CSMD1: variants seen among roughly 807,000 people sequenced by gnomAD.
The protein encoded by CSMD1 is CUB and sushi domain-containing protein 1.
In CSMD1, 213 loss-of-function variants were observed where a neutral mutation model predicts 417.5. The ratio of observed to expected loss-of-function variants is 0.51; its 90% confidence interval spans 0.46 to 0.57. CSMD1 has a LOEUF of 0.57. Among genes scored for constraint, CSMD1 ranks in the 20% least tolerant of loss-of-function variants. The probability of loss-of-function intolerance (pLI) is 0.00; values close to 1 mark genes in which losing one functional copy is unlikely to be tolerated. For missense variants in CSMD1, 6,923 were observed against 4,529.7 expected (o/e 1.53, Z -15.17); for synonymous variants, 2,862 against 1,736.8 (o/e 1.65, Z -16.11).
intron 1 of CSMD1, among the ~76,000 whole-genome samples, chr8:4,790,026 A>G (rs1301967117): frequency 6.6e-6 from 1 of 152,208 alleles, no homozygotes; most frequent in Non-Finnish European, 1.5e-5. Context: ...ATGAAAAGGA[A>G]TCCAGGATTA....
intron 5 of CSMD1, among the ~76,000 whole-genome samples, chr8:3,859,085 C>T (rs559247459): frequency 2.8e-4 from 42 of 152,282 alleles, no homozygotes; most frequent in Admixed American, 1.6e-3. Context: ...TTCATCTTCT[C>T]ATCCATGCAC....
intron 5 of CSMD1, among the ~76,000 whole-genome samples, chr8:3,871,603 C>G (rs913085871): frequency 6.6e-6 from 1 of 152,056 alleles, no homozygotes; most frequent in Non-Finnish European, 1.5e-5. Context: ...TATTAGTCTT[C>G]AAATTCAGAT....
At chr8:4,549,975 GGT>G (rs1797798541) in intron 2 of CSMD1, among the ~76,000 whole-genome samples, 12 of 149,882 alleles carry the variant, frequency 8.0e-5, no homozygotes, top group Non-Finnish European at 1.3e-4. Flanking sequence ...CTCTTAAAAT[GGT>G]AACTTTTGAG....
At chr8:3,679,049 G>C (rs921000428) in intron 7 of CSMD1, among the ~76,000 whole-genome samples, 1 of 152,156 alleles carries the variant, frequency 6.6e-6, no homozygotes, top group South Asian at 2.1e-4. Context: ...AACATGGAAA[G>C]GAACAACTGG....
intron 2 of CSMD1, among the ~76,000 whole-genome samples, chr8:4,460,616 A>G (rs891059809): frequency 1.3e-5 from 2 of 152,146 alleles, no homozygotes; most frequent in African/African-American, 4.8e-5. Flanking sequence ...TGGGGGAAAA[A>G]AAGGTAGAGA....
At chr8:3,303,198 T>A (rs1481701824) in intron 25 of CSMD1, among the ~76,000 whole-genome samples, 2 of 152,198 alleles carry the variant, frequency 1.3e-5, no homozygotes, top group Non-Finnish European at 2.9e-5. Context: ...TCAGGAAAAT[T>A]CTCCAACCCA....
intron 3 of CSMD1, among the ~76,000 whole-genome samples, chr8:4,394,837 C>G (rs1164174727): frequency 2.0e-5 from 3 of 152,094 alleles, no homozygotes; most frequent in African/African-American, 4.8e-5. Flanking sequence ...TTTCATGGTC[C>G]TTTGTGCTTC....
intron 3 of CSMD1, among the ~76,000 whole-genome samples, chr8:4,180,233 T>A (rs890405381): frequency 5.3e-5 from 8 of 151,888 alleles, no homozygotes; most frequent in Non-Finnish European, 7.4e-5. Flanking sequence ...TACACCATGG[T>A]ATACTATGCA....
intron 1 of CSMD1, among the ~76,000 whole-genome samples, chr8:4,802,137 A>G (rs759010099): frequency 6.6e-6 from 1 of 152,206 alleles, no homozygotes; most frequent in Non-Finnish European, 1.5e-5. Flanking sequence ...AGGGATCTCA[A>G]AATCGAAGAG....
At chr8:4,313,315 T>C (rs983253989) in intron 3 of CSMD1, among the ~76,000 whole-genome samples, 2 of 151,698 alleles carry the variant, frequency 1.3e-5, no homozygotes, top group Non-Finnish European at 2.9e-5. Context: ...GCTAGCTGAG[T>C]CCCTAGAGAG....
intron 1 of CSMD1, among the ~76,000 whole-genome samples, chr8:4,939,214 T>C (rs1268711564): frequency 6.6e-6 from 1 of 152,192 alleles, no homozygotes; most frequent in African/African-American, 2.4e-5. Context: ...GGAATGTAAA[T>C]TAGTAAAGCA....
At chr8:3,834,472 G>T (rs1178130550) in intron 5 of CSMD1, among the ~76,000 whole-genome samples, 1 of 152,202 alleles carries the variant, frequency 6.6e-6, no homozygotes, top group East Asian at 1.9e-4. Flanking sequence ...CTCCATGTGT[G>T]TTGTTCCAGG....
intron 5 of CSMD1, among the ~76,000 whole-genome samples, chr8:3,852,748 T>G (rs1804003756): frequency 6.6e-6 from 1 of 151,980 alleles, no homozygotes; most frequent in Non-Finnish European, 1.5e-5. Context: ...CGTCTGCATC[T>G]CCCGCTGCAC....
chr8:4,457,742 G>C (rs116147658), intron 2 of CSMD1, among the ~76,000 whole-genome samples: 1 of 152,234 alleles, frequency 6.6e-6, no homozygotes, highest in African/African-American at 2.4e-5. Context: ...CTCTGTATGG[G>C]ATCCAGCAGC....
At chr8:4,316,109 T>A (rs1798912263) in intron 3 of CSMD1, among the ~76,000 whole-genome samples, 2 of 152,196 alleles carry the variant, frequency 1.3e-5, no homozygotes, top group Admixed American at 1.3e-4. Flanking sequence ...CACTCATTAT[T>A]GTTAACCCTC....
intron 62 of CSMD1, among the ~76,000 whole-genome samples, chr8:2,958,392 A>C (rs1355870851): frequency 6.6e-6 from 1 of 152,200 alleles, no homozygotes; most frequent in Non-Finnish European, 1.5e-5. Context: ...CTGATCCTCC[A>C]AGAATGAATC....
chr8:3,867,909 C>T (rs1333272311), intron 5 of CSMD1, among the ~76,000 whole-genome samples: 1 of 152,020 alleles, frequency 6.6e-6, no homozygotes, highest in Non-Finnish European at 1.5e-5. Flanking sequence ...TGTGTCACCT[C>T]CGCCTCCTGC....
chr8:3,999,377 G>C (rs1815480764), intron 4 of CSMD1, among the ~76,000 whole-genome samples: 1 of 152,168 alleles, frequency 6.6e-6, no homozygotes, highest in Admixed American at 6.5e-5. Flanking sequence ...ATACCGAAGT[G>C]AGAGGAAATG....
chr8:4,224,417 C>T (rs1385020272), intron 3 of CSMD1, among the ~76,000 whole-genome samples: 1 of 152,154 alleles, frequency 6.6e-6, no homozygotes, highest in Non-Finnish European at 1.5e-5. Context: ...TATTTAAATA[C>T]ACCTAGGAAA....
Sources: gnomAD v4.1 joint callset for allele counts (sites outside exome capture counted in the v4.1 genomes callset) on GRCh38, gnomAD v4.1.1 for gene constraint, MANE v1.5 for transcripts, NCBI Gene and HGNC (gene_info 2026-07-23, HGNC 2026-07-21) for gene names.